Variants in TMEM131 observed in about 807,000 individuals in gnomAD.
TMEM131 encodes the protein 2610524E03Rik.
Under a neutral mutation model 211.6 loss-of-function variants are expected in TMEM131, and 66 were observed. The observed-to-expected ratio is 0.31, with a 90% CI of 0.26 to 0.38. The LOEUF (loss-of-function observed/expected upper bound fraction) is 0.38, where lower values mean the gene tolerates loss of function less well. Ranked by LOEUF, TMEM131 falls within the 10% of genes least tolerant of loss-of-function variation. The pLI, the probability that TMEM131 is intolerant of heterozygous loss-of-function variation, is 1.00. For missense variants in TMEM131, 2,036 were observed against 2,299.3 expected (o/e 0.89, Z 2.34); for synonymous variants, 844 against 841.3 (o/e 1.00, Z -0.06).
intron 1 of TMEM131, among the ~76,000 whole-genome samples, chr2:97,975,367 A>G (rs1419418849): frequency 6.6e-6 from 1 of 152,152 alleles, no homozygotes; most frequent in Non-Finnish European, 1.5e-5. Flanking sequence ...TAAAATTAAT[A>G]AACTTGTAGC....
At chr2:97,789,868 G>C (rs531726641) in intron 31 of TMEM131, among the ~76,000 whole-genome samples, 50 of 152,304 alleles carry the variant, frequency 3.3e-4, no homozygotes, top group Non-Finnish European at 5.9e-4. Context: ...TGAACAGGCG[G>C]CATTTCTGGG....
Position 97,766,548 on chromosome 2 carries a change from G to A in TMEM131, c.4503C>T (p.Leu1501=), listed in dbSNP as rs772919619. 2 of 1,613,974 alleles carry A rather than the reference G, an allele frequency of 1.2e-6. No homozygotes were observed. The highest frequency in any genetic ancestry group is 2.2e-5 in the South Asian group (2 of 91,082). ...CAGTTGGAAGAGGAATCTTGCTTGG[G>A]AGATTTCTACGTTGCTTACTTTCCA... ...PPLESKQRRN[L]PSKIPLPTAM... is the part of the protein sequence containing the mutation. The change falls in exon 34 of 41, where the codon CTC becomes CTT. Residue 1501 remains leucine (L), a synonymous_variant. Coordinates refer to ENST00000186436, the MANE Select transcript of TMEM131 (RefSeq NM_015348.2).
At chr2:97,835,282 C>A (rs1040768350) in intron 8 of TMEM131, among the ~76,000 whole-genome samples, 15 of 152,196 alleles carry the variant, frequency 9.9e-5, no homozygotes, top group African/African-American at 3.4e-4. Flanking sequence ...GGGTATATAA[C>A]TCAGTCTTGA....
At chr2:97,940,195 T>G (rs1677652979) in intron 1 of TMEM131, among the ~76,000 whole-genome samples, 2 of 152,158 alleles carry the variant, frequency 1.3e-5, no homozygotes, top group Middle Eastern at 3.4e-3. Context: ...GAGAAAGAAA[T>G]AAAGGGGTAT....
chr2:97,837,090 G>C lies in TMEM131; in HGVS notation c.791C>G (p.Thr264Ser). ...LELPTGQQGG[T>S]RKLWEIPPYE... Reference sequence around the variant, plus strand: ...GTTACAACTCACCCACAGTTTTCTGGTACCTCCTTGTTGACCCGTTGGGAG... The same window carrying C: ...GTTACAACTCACCCACAGTTTTCTGCTACCTCCTTGTTGACCCGTTGGGAG... The change falls in exon 8 of 41, where the codon ACC (threonine) becomes AGC (serine). Residue 264 changes from threonine to serine, a missense_variant. Physicochemically the swap from Thr to Ser is moderately conservative, Grantham distance 58 (BLOSUM62 1). Coordinates refer to ENST00000186436, the MANE Select transcript of TMEM131 (RefSeq NM_015348.2). 6.2e-7 allele frequency: 1 copy of C among 1,612,616 alleles called. No individual in the cohort carries two copies. Among genetic ancestry groups the C allele is most frequent in the Non-Finnish European group, 8.5e-7 (1 of 1,179,286 alleles).
intron 4 of TMEM131, among the ~76,000 whole-genome samples, chr2:97,876,528 G>A (rs552897562): frequency 6.6e-6 from 1 of 152,274 alleles, no homozygotes; most frequent in South Asian, 2.1e-4. Context: ...TATCCCTGGG[G>A]TGGAAAGGCT....
intron 1 of TMEM131, among the ~76,000 whole-genome samples, chr2:97,982,297 T>C (rs998089682): frequency 1.2e-4 from 18 of 152,230 alleles, no homozygotes; most frequent in Non-Finnish European, 7.3e-5. Flanking sequence ...CATCTTTTCA[T>C]ACGTTTATTA....
intron 3 of TMEM131, among the ~76,000 whole-genome samples, chr2:97,888,462 G>A (rs1675251512): frequency 6.6e-6 from 1 of 152,156 alleles, no homozygotes; most frequent in Non-Finnish European, 1.5e-5. Flanking sequence ...TGAATAAAGA[G>A]TTAATACAAC....
intron 4 of TMEM131, among the ~76,000 whole-genome samples, chr2:97,871,065 T>C (rs560148094): frequency 2.0e-5 from 3 of 152,332 alleles, no homozygotes; most frequent in Non-Finnish European, 4.4e-5. Context: ...CTATTCAACG[T>C]CCATTTTTTT....
At chr2:97,902,754 G>A (rs1312367562) in intron 3 of TMEM131, among the ~76,000 whole-genome samples, 1 of 152,128 alleles carries the variant, frequency 6.6e-6, no homozygotes, top group African/African-American at 2.4e-5. Context: ...GGCTGGGGAA[G>A]GCAGATCCAC....
At chr2:97,803,368 T>C (rs1681124892) in intron 22 of TMEM131, among the ~76,000 whole-genome samples, 1 of 152,210 alleles carries the variant, frequency 6.6e-6, no homozygotes, top group African/African-American at 2.4e-5. Context: ...ACAACAGAGG[T>C]AAAACCTACG....
chr2:97,853,388 A>G (rs1167541487), intron 5 of TMEM131, among the ~76,000 whole-genome samples: 1 of 145,744 alleles, frequency 6.9e-6, no homozygotes, highest in Non-Finnish European at 1.5e-5. Context: ...TGAAGTCAGG[A>G]GTTCGAGACC....
At chr2:97,940,042 T>C (rs1418644062) in intron 1 of TMEM131, among the ~76,000 whole-genome samples, 2 of 152,198 alleles carry the variant, frequency 1.3e-5, no homozygotes, top group African/African-American at 4.8e-5. Context: ...AAGAGCCATT[T>C]ATGACAAACC....
intron 1 of TMEM131, among the ~76,000 whole-genome samples, chr2:97,933,307 T>C (rs1333359630): frequency 6.6e-6 from 1 of 152,148 alleles, no homozygotes; most frequent in African/African-American, 2.4e-5. Context: ...AGAATGAAAT[T>C]CTGATATATG....
chr2:97,756,342 A>T lies in TMEM131; in HGVS notation c.*757T>A, dbSNP rs541162066. The T allele has an allele frequency of 2.4e-4, 36 of 152,386 alleles. No individual in the cohort carries two copies. Among genetic ancestry groups the T allele is most frequent in the African/African-American group, 8.7e-4 (36 of 41,584 alleles). 9.4% of individuals were successfully genotyped at this position (152,386 alleles called of 1,614,324 possible). On this transcript the variant is annotated 3_prime_UTR_variant, in exon 41 of 41. Transcript: ENST00000186436. ...AAAAACCACAAAACAAGGCTTTTGAAAAAAGCATCATTTATTTCAAAGTAC... is the reference window on the plus strand; with the variant it reads ...AAAAACCACAAAACAAGGCTTTTGATAAAAGCATCATTTATTTCAAAGTAC...
At chr2:97,956,282 G>C (rs1246054471) in intron 1 of TMEM131, among the ~76,000 whole-genome samples, 3 of 152,284 alleles carry the variant, frequency 2.0e-5, no homozygotes, top group Admixed American at 2.0e-4. Context: ...AATGGTGCTA[G>C]AGCAACTGGA....
rs1681250204 is a variant in TMEM131 at position 97,805,408 on chromosome 2, T to C, written c.2252A>G (p.His751Arg). The change falls in exon 21 of 41, where the codon CAT (histidine) becomes CGT (arginine). Residue 751 changes from histidine (H) to arginine (R), a missense_variant. Coordinates refer to ENST00000186436, the MANE Select transcript of TMEM131 (RefSeq NM_015348.2). ...TAGAAAAGGCAAGCCAACATAGCAA[T>C]GATCCCCACACTGTAGTCCAGGATC... is the stretch of plus-strand genomic sequence containing the variant. Reference protein sequence around the residue: ...YFDPGLQCGDHCYVGLPFLSK... With the variant: ...YFDPGLQCGDRCYVGLPFLSK... 1 of 1,613,902 alleles carries C rather than the reference T, an allele frequency of 6.2e-7. No individual in the cohort carries two copies. Among genetic ancestry groups the C allele is most frequent in the Non-Finnish European group, 8.5e-7 (1 of 1,179,830 alleles).
intron 1 of TMEM131, among the ~76,000 whole-genome samples, chr2:97,934,497 T>A (rs577082744): frequency 4.0e-4 from 61 of 152,292 alleles, no homozygotes; most frequent in African/African-American, 1.4e-3. Context: ...CCCAGGATAA[T>A]TTTTTGTTGA....
At chr2:97,875,082 C>A (rs1471478668) in intron 4 of TMEM131, among the ~76,000 whole-genome samples, 1 of 152,092 alleles carries the variant, frequency 6.6e-6, no homozygotes, top group Non-Finnish European at 1.5e-5. Context: ...TCTGATAAAA[C>A]AGACTTTAAA....
Sources: allele counts gnomAD v4.1 joint callset (sites outside exome capture counted in the v4.1 genomes callset), GRCh38; gene constraint gnomAD v4.1.1; transcripts MANE v1.5; gene names NCBI Gene and HGNC (gene_info 2026-07-23, HGNC 2026-07-21).